TMC2: variants seen among roughly 807,000 people sequenced by gnomAD.
TMC2 encodes transmembrane channel-like protein 2.
Under a neutral mutation model 105.9 loss-of-function variants are expected in TMC2, and 102 were observed. The observed-to-expected ratio is 0.96, with a 90% CI of 0.82 to 1.14. TMC2 has a LOEUF of 1.14. TMC2 is among the 50% of genes most tolerant of loss of function. The pLI is 0.00. For synonymous variants in TMC2, 402 were observed against 422.8 expected (o/e 0.95, Z 0.60); for missense variants, 1,093 against 1,134.3 (o/e 0.96, Z 0.52).
Position 2,592,270 on chromosome 20 carries a change from T to G in TMC2, c.835-40T>G. 6 of 1,344,512 alleles carry G rather than the reference T, an allele frequency of 4.5e-6. No homozygotes were observed. The highest frequency in any genetic ancestry group is 6.4e-6 in the Non-Finnish European group (6 of 935,982). 83.3% of individuals were successfully genotyped at this position (1,344,512 alleles called of 1,614,324 possible). A position where few individuals can be genotyped will look rare whatever the true frequency, so the allele number is the denominator to read the frequency against. On this transcript the variant is annotated intron_variant, in intron 7 of 19. Coordinates refer to ENST00000358864, the MANE Select transcript of TMC2 (RefSeq NM_080751.3). This position sits in a 1 kb window ranked among gnomAD's most constrained non-coding sequence, Gnocchi z 4.9. ...TATGAATGTCTCTGTGTGTTTGTAT[T>G]TCCTCCACTCATACTTGTGTCATTG...
At chr20:2,567,710 G>T (rs578108870) in intron 4 of TMC2, among the ~76,000 whole-genome samples, 42 of 151,990 alleles carry the variant, frequency 2.8e-4, no homozygotes, top group Non-Finnish European at 4.6e-4. Context: ...AGGTTTTAAA[G>T]CAACCATCAT....
chr20:2,554,953 A>G (rs2085977136), intron 2 of TMC2, among the ~76,000 whole-genome samples: 1 of 152,258 alleles, frequency 6.6e-6, no homozygotes, highest in Non-Finnish European at 1.5e-5. Context: ...ATTGATTAAT[A>G]GTGCTATTCA....
intron 11 of TMC2, among the ~76,000 whole-genome samples, chr20:2,604,687 T>G (rs889070861): frequency 3.9e-5 from 6 of 152,104 alleles, no homozygotes; most frequent in Non-Finnish European, 1.5e-5. Flanking sequence ...ATTGGAACTT[T>G]CAGCCGTATC....
chr20:2,551,546 T>G (rs181680909), intron 2 of TMC2, among the ~76,000 whole-genome samples: 2 of 152,342 alleles, frequency 1.3e-5, no homozygotes, highest in Admixed American at 1.3e-4. Context: ...TTTTCATTTA[T>G]GCTGTGGTAT....
chr20:2,581,805 T>A (rs781173732), intron 7 of TMC2, among the ~76,000 whole-genome samples: 2 of 152,224 alleles, frequency 1.3e-5, no homozygotes, highest in African/African-American at 2.4e-5. Context: ...AAATTTGGTA[T>A]AATTTATGTA....
At chr20:2,601,200 A>T (rs1270741016) in intron 10 of TMC2, among the ~76,000 whole-genome samples, 1 of 152,242 alleles carries the variant, frequency 6.6e-6, no homozygotes, top group Non-Finnish European at 1.5e-5. Flanking sequence ...TATGGCCCAC[A>T]GGCCAAATCC....
At chr20:2,601,039 A>C (rs570175624) in intron 10 of TMC2, among the ~76,000 whole-genome samples, 175 of 151,316 alleles carry the variant, frequency 1.2e-3, no homozygotes, top group African/African-American at 4.1e-3. Context: ...AATAGTATCC[A>C]AAAAAAACCC....
intron 7 of TMC2, among the ~76,000 whole-genome samples, chr20:2,583,632 T>C (rs1239256264): frequency 6.6e-6 from 1 of 152,104 alleles, no homozygotes; most frequent in Non-Finnish European, 1.5e-5. Flanking sequence ...CCTGCTAATT[T>C]TTGTATTTTT....
chr20:2,624,981 C>G (rs943231024), intron 17 of TMC2, among the ~76,000 whole-genome samples: 1 of 151,880 alleles, frequency 6.6e-6, no homozygotes, highest in Non-Finnish European at 1.5e-5. Context: ...CAAGCTGGTT[C>G]CTTCATCACT....
intron 14 of TMC2, 135 bp downstream of exon 14, chr20:2,613,457 A>C: frequency 7.5e-7 from 1 of 1,324,616 alleles, no homozygotes; most frequent in South Asian, 1.2e-5. Context: ...AGAGTAGTAA[A>C]GTGTTTAATT....
At chr20:2,559,214 A>T (rs974400817) in intron 3 of TMC2, among the ~76,000 whole-genome samples, 2 of 152,238 alleles carry the variant, frequency 1.3e-5, no homozygotes, top group African/African-American at 4.8e-5. Flanking sequence ...GCTTAAGCAC[A>T]CCTCGTTCCG....
chr20:2,640,038 A>G (rs1224079018), intron 19 of TMC2, among the ~76,000 whole-genome samples: 1 of 152,242 alleles, frequency 6.6e-6, no homozygotes, highest in Non-Finnish European at 1.5e-5. Flanking sequence ...GCTGGAGTGC[A>G]GTGGCACGAT....
chr20:2,552,023 C>A (rs777703051), intron 2 of TMC2, among the ~76,000 whole-genome samples: 6 of 152,070 alleles, frequency 3.9e-5, no homozygotes, highest in Admixed American at 1.3e-4. Context: ...CTTTGTGAAG[C>A]CAAACTGGGA....
In TMC2 at chr20:2,642,476, A is replaced by C. The variant is rs1239940026; in HGVS notation, c.*1125A>C. Among the ~76,000 whole-genome samples, 1 of 152,208 alleles carries C rather than the reference A, an allele frequency of 6.6e-6. No homozygotes were observed. Among genetic ancestry groups the C allele is most frequent in the Non-Finnish European group, 1.5e-5 (1 of 68,032 alleles). ...TTTTCATGCACCAAATTCTAAAAGG[A>C]ATTTGATAACATGATTATTGTACAA... On this transcript the variant is annotated 3_prime_UTR_variant, in exon 20 of 20. Coordinates refer to ENST00000358864, the MANE Select transcript of TMC2 (RefSeq NM_080751.3).
Position 2,616,110 on chromosome 20 carries a change from T to TCTCTCGCTCCCTCCCTCC in TMC2, c.1873-21_1873-4dup, listed in dbSNP as rs940667088. On this transcript the variant is annotated intron_variant, in intron 14 of 19. Transcript: ENST00000358864. This position sits in a 1 kb window ranked among gnomAD's most constrained non-coding sequence, Gnocchi z 4.8. ...AAACGTGCTTTTTTTTTTCTCTCTCTCTCTCGCTCCCTCCCTCCCTCTCTA... is the reference window on the plus strand; with the variant it reads ...AAACGTGCTTTTTTTTTTCTCTCTCTCTCTCGCTCCCTCCCTCCCTCTCGCTCCCTCCCTCCCTCTCTA... The TCTCTCGCTCCCTCCCTCC allele has an allele frequency of 6.3e-7, 1 of 1,590,878 alleles. No homozygotes were observed. Among genetic ancestry groups the TCTCTCGCTCCCTCCCTCC allele is most frequent in the African/African-American group, 1.3e-5 (1 of 74,304 alleles).
chr20:2,599,423 C>T (rs1390181965), intron 10 of TMC2, among the ~76,000 whole-genome samples: 1 of 151,424 alleles, frequency 6.6e-6, no homozygotes, highest in African/African-American at 2.4e-5. Flanking sequence ...AACCATCCAG[C>T]TGGGAAGCAA....
chr20:2,598,162 C>A, intron 10 of TMC2, among the ~76,000 whole-genome samples: 1 of 146,550 alleles, frequency 6.8e-6, no homozygotes, highest in South Asian at 2.2e-4. Flanking sequence ...TTCATGTAAC[C>A]AAACACCACC....
At position 2,597,178 on chromosome 20, in the gene TMC2, A is replaced by G; in HGVS notation, c.1104A>G (p.Thr368=). ...RSMASNTQGS[T]GEGESDNFTF... ...TGGCCAGCAATACCCAAGGAAGCAC[A>G]GGCGAAGGGGAGAGTGACAACTTCA... Residue 368 remains threonine, a synonymous_variant, in exon 10 of 20, where the codon ACA becomes ACG. Transcript: ENST00000358864. The G allele has an allele frequency of 6.2e-7, 1 of 1,614,120 alleles. No individual in the cohort carries two copies.
At chr20:2,621,285 C>T (rs2146253703) in intron 16 of TMC2, among the ~76,000 whole-genome samples, 1 of 151,516 alleles carries the variant, frequency 6.6e-6, no homozygotes, top group East Asian at 1.9e-4. Flanking sequence ...TCGCTTGAAC[C>T]CGGGAGGTGG....
Sources: gnomAD v4.1 joint callset for allele counts (sites outside exome capture counted in the v4.1 genomes callset) on GRCh38, gnomAD v4.1.1 for gene constraint, Gnocchi (gnomAD v3.1) non-coding constraint, MANE v1.5 for transcripts, NCBI Gene and HGNC (gene_info 2026-07-23, HGNC 2026-07-21) for gene names.